PALD1: variants seen among roughly 807,000 people sequenced by gnomAD.
PALD1 encodes the protein paladin.
In PALD1, 57 loss-of-function variants were observed where a neutral mutation model predicts 96.0. The ratio of observed to expected loss-of-function variants is 0.59; its 90% CI spans 0.48 to 0.74. The LOEUF (loss-of-function observed/expected upper bound fraction) is 0.74, where lower values mean the gene tolerates loss of function less well. Ranked by LOEUF, PALD1 falls within the 30% of genes least tolerant of loss-of-function variation. The pLI is 0.00. For synonymous variants in PALD1, 464 were observed against 473.6 expected (o/e 0.98, Z 0.26); for missense variants, 1,063 against 1,143.7 (o/e 0.93, Z 1.02).
chr10:70,506,813 C>G (rs1050050949), intron 1 of PALD1, among the ~76,000 whole-genome samples: 3 of 152,136 alleles, frequency 2.0e-5, no homozygotes, highest in Non-Finnish European at 2.9e-5. Context: ...CAGAGAGGAG[C>G]CCTCTGTCTT....
chr10:70,526,053 C>T lies in PALD1; in HGVS notation c.102C>T (p.Ser34=). The T allele has an allele frequency of 6.2e-7, 1 of 1,614,166 alleles. No homozygotes were observed. Reference sequence around the variant, plus strand: ...CGATGGACAGTCGGCACTCCGTCAGCATCCACTCCTTCCAGAGCACTAGCT... The same window carrying T: ...CGATGGACAGTCGGCACTCCGTCAGTATCCACTCCTTCCAGAGCACTAGCT... ...SGTMDSRHSV[S]IHSFQSTSLH... is the part of the protein sequence containing the mutation. The change falls in exon 2 of 20, where the codon AGC becomes AGT. Residue 34 remains serine, a synonymous_variant. Transcript: ENST00000263563.
intron 1 of PALD1, among the ~76,000 whole-genome samples, chr10:70,512,904 G>A (rs568122686): frequency 2.0e-5 from 3 of 152,294 alleles, no homozygotes; most frequent in South Asian, 2.1e-4. Context: ...AAGAGAAGCC[G>A]GAGATCTAGA....
chr10:70,461,782 T>C, the PALD1 span, among the ~76,000 whole-genome samples: 1 of 152,114 alleles, frequency 6.6e-6, no homozygotes, highest in Non-Finnish European at 1.5e-5. Context: ...ATTGTGATTT[T>C]TTTGTTTTTT....
At chr10:70,507,776 T>C (rs1218893156) in intron 1 of PALD1, among the ~76,000 whole-genome samples, 7 of 148,700 alleles carry the variant, frequency 4.7e-5, no homozygotes, top group Non-Finnish European at 1.0e-4. Flanking sequence ...TGTGTGTGTG[T>C]GTGTGTGTGT....
chr10:70,556,802 C>T (rs1447495458), intron 18 of PALD1, among the ~76,000 whole-genome samples: 3 of 152,186 alleles, frequency 2.0e-5, no homozygotes, highest in South Asian at 2.1e-4. Context: ...CCAGCACCAC[C>T]GCCTCCTTCA....
At chr10:70,558,187 G>A (rs1199203137) in intron 18 of PALD1, among the ~76,000 whole-genome samples, 2 of 151,912 alleles carry the variant, frequency 1.3e-5, no homozygotes, top group Non-Finnish European at 2.9e-5. Flanking sequence ...CTCCTCTGGG[G>A]CTGTCTTCTC....
intron 19 of PALD1, among the ~76,000 whole-genome samples, chr10:70,565,077 T>C (rs1847817039): frequency 6.6e-6 from 1 of 152,220 alleles, no homozygotes; most frequent in South Asian, 2.1e-4. Context: ...GTTGGGGACT[T>C]GGGGAGACAT....
At chr10:70,505,800 C>T (rs1195634099) in intron 1 of PALD1, among the ~76,000 whole-genome samples, 1 of 151,650 alleles carries the variant, frequency 6.6e-6, no homozygotes, top group Non-Finnish European at 1.5e-5. Flanking sequence ...GTGGGCGGGT[C>T]ACTTGAGCCC....
rs780957272 is a variant in PALD1, at chr10:70,533,938, T to A, written c.887T>A (p.Leu296Gln). 4 of 1,603,494 alleles carry A rather than the reference T, an allele frequency of 2.5e-6. No individual in the cohort carries two copies. The highest frequency in any genetic ancestry group is 3.4e-6 in the Non-Finnish European group (4 of 1,173,986). The change falls in exon 8 of 20, where the codon CTG becomes CAG. Residue 296 changes from leucine (L) to glutamine (Q), a missense_variant. Coordinates refer to ENST00000263563, the MANE Select transcript of PALD1 (RefSeq NM_014431.3). ...CTTTCCCAGGAGACCCCCAGCCTGC[T>A]GCAGCTCCGTGATGCCCACGGGCCT... is the stretch of plus-strand genomic sequence containing the variant. The part of the protein sequence containing the change: ...VSVLRETPSL[L>Q]QLRDAHGPPP...
rs1373618143 is a variant in PALD1, at chr10:70,531,397, C to G, written c.576C>G (p.Leu192=). 1.9e-6 allele frequency: 3 copies of G among 1,614,098 alleles called. No homozygotes were observed. The highest frequency in any genetic ancestry group is 1.7e-6 in the Non-Finnish European group (2 of 1,179,978). ...PRDKQNLHEN[L]QGLGPGVRVE... ...ACAAGCAGAACCTTCATGAGAACCTCCAGGGCCTTGGACCCGGGGTCCGGG... is the reference window on the plus strand; with the variant it reads ...ACAAGCAGAACCTTCATGAGAACCTGCAGGGCCTTGGACCCGGGGTCCGGG... The change falls in exon 5 of 20, where the codon CTC becomes CTG. Residue 192 remains leucine, a synonymous_variant. Transcript: ENST00000263563.
In PALD1 at chr10:70,540,535, C is replaced by T. The variant is rs984330934; in HGVS notation, c.1909-567C>T. Among the ~76,000 whole-genome samples, 7 of 150,832 alleles carry T rather than the reference C, an allele frequency of 4.6e-5. No individual in the cohort carries two copies. The South Asian group carries it at 1.1e-3, about 23-fold the overall frequency. ...CTGGCGTGTGTTGTAGGTGAGCCAC[C>T]GTGTGCGTGGTGCGTGTGTTGTAGG... On this transcript the variant is annotated intron_variant, in intron 15 of 19. Transcript: ENST00000263563. The surrounding 1 kb of genome is among the most constrained non-coding windows in gnomAD (Gnocchi z 4.2).
At chr10:70,546,410 T>C (rs1847363498) in intron 17 of PALD1, among the ~76,000 whole-genome samples, 1 of 152,214 alleles carries the variant, frequency 6.6e-6, no homozygotes, top group Non-Finnish European at 1.5e-5. Context: ...TATATTCCCA[T>C]GGTTTTTTTT....
intron 18 of PALD1, among the ~76,000 whole-genome samples, chr10:70,552,853 C>A (rs373782475): frequency 1.3e-5 from 2 of 152,174 alleles, no homozygotes; most frequent in African/African-American, 4.8e-5. Context: ...ATTTGGTTGA[C>A]GTGGCCCTAA....
At chr10:70,554,725 A>G (rs943785528) in intron 18 of PALD1, among the ~76,000 whole-genome samples, 10 of 151,872 alleles carry the variant, frequency 6.6e-5, no homozygotes, top group African/African-American at 2.2e-4. Flanking sequence ...GGTGACGTTA[A>G]TTCTTAGTGT....
Position 70,547,460 on chromosome 10 carries a change from C to A in PALD1, c.2262+14C>A, listed in dbSNP as rs1341020329. ...ACCTACCGCCAGGTGAGCCCCCACCCCACCCCACCCCACCCTGCCCCAGCC... is the reference window on the plus strand; with the variant it reads ...ACCTACCGCCAGGTGAGCCCCCACCACACCCCACCCCACCCTGCCCCAGCC... On this transcript the variant is annotated intron_variant, in intron 18 of 19. Transcript: ENST00000263563. The A allele has an allele frequency of 6.7e-7, 1 of 1,502,192 alleles. No individual in the cohort carries two copies. Among genetic ancestry groups the A allele is most frequent in the East Asian group, 2.4e-5 (1 of 42,008 alleles). 93.1% of individuals were successfully genotyped at this position (1,502,192 alleles called of 1,614,324 possible).
intron 2 of PALD1, among the ~76,000 whole-genome samples, chr10:70,528,525 G>T (rs1298781919): frequency 6.6e-6 from 1 of 152,198 alleles, no homozygotes; most frequent in African/African-American, 2.4e-5. Context: ...GGGTGGAGTT[G>T]GGCTTCATGC....
chr10:70,529,807 C>T, intron 3 of PALD1, 82 bp from the exon 4 acceptor site: 5 of 1,274,590 alleles, frequency 3.9e-6, no homozygotes, highest in Non-Finnish European at 5.5e-6. Flanking sequence ...CTCCCTGTCC[C>T]CTGGAGCCCA....
intron 1 of PALD1, among the ~76,000 whole-genome samples, chr10:70,481,072 T>A (rs530178138): frequency 6.6e-6 from 1 of 152,064 alleles, no homozygotes; most frequent in South Asian, 2.1e-4. Flanking sequence ...GAGGCAGACA[T>A]GTAAGTGGAC....
intron 2 of PALD1, among the ~76,000 whole-genome samples, chr10:70,527,799 A>ATTTT (rs1846900115): frequency 2.6e-5 from 4 of 151,380 alleles, no homozygotes; most frequent in East Asian, 3.9e-4. Context: ...CTTTTTTTAA[A>ATTTT]ATTTAAGTTC....
Sources: gnomAD v4.1 joint callset for allele counts (sites outside exome capture counted in the v4.1 genomes callset) on GRCh38, gnomAD v4.1.1 for gene constraint, Gnocchi (gnomAD v3.1) non-coding constraint, MANE v1.5 for transcripts, NCBI Gene and HGNC (gene_info 2026-07-23, HGNC 2026-07-21) for gene names.